ARHGAP44: variants seen among roughly 807,000 people sequenced by gnomAD.
The protein encoded by ARHGAP44 is rho GTPase-activating protein 44.
A neutral mutation model predicts 106.8 loss-of-function variants in ARHGAP44; 43 were observed. The observed-to-expected ratio is 0.40, with a 90% CI of 0.32 to 0.52. The LOEUF (loss-of-function observed/expected upper bound fraction) is 0.52, where lower values mean the gene tolerates loss of function less well. Ranked by LOEUF, ARHGAP44 falls within the 20% of genes least tolerant of loss-of-function variation. The pLI is 0.48. For synonymous variants in ARHGAP44, 439 were observed against 410.3 expected (o/e 1.07, Z -0.85); for missense variants, 866 against 1,050.5 (o/e 0.82, Z 2.43).
At chr17:12,988,416 C>CG (rs1567728073) in intron 20 of ARHGAP44, 1 of 152,166 alleles carries the variant, frequency 6.6e-6, no homozygotes, top group Admixed American at 6.5e-5. Context: ...AGGTGGGCCC[C>CG]GGGCCACTCA....
chr17:12,987,947 G>T (rs753986285), intron 20 of ARHGAP44: 8 of 152,242 alleles, frequency 5.3e-5, no homozygotes, highest in Non-Finnish European at 1.2e-4. Context: ...ATTTGCCTCA[G>T]TAAGTAGGGG....
rs2037640473 is a variant in ARHGAP44 at position 12,908,901 on chromosome 17, A to G, written c.203A>G (p.Lys68Arg). The G allele has an allele frequency of 6.2e-7, 1 of 1,604,342 alleles. No homozygotes were observed. The highest frequency in any genetic ancestry group is 1.3e-5 in the African/African-American group (1 of 74,558). ...QGAEADKRSKKLPLTTLAQCL... is the reference protein window; with the variant it reads ...QGAEADKRSKRLPLTTLAQCL... ...CAGCATTTGCTTTCTTTTCAGAAAAAGTTGCCTTTGACAACACTGGCTCAG... is the reference window on the plus strand; with the variant it reads ...CAGCATTTGCTTTCTTTTCAGAAAAGGTTGCCTTTGACAACACTGGCTCAG... The change falls in exon 4 of 21, where the codon AAG (lysine) becomes AGG (arginine). Residue 68 changes from lysine to arginine, a missense_variant. Lys to Arg is a conservative substitution (Grantham distance 26). Coordinates refer to ENST00000379672, the MANE Select transcript of ARHGAP44 (RefSeq NM_014859.6).
intron 1 of ARHGAP44, among the ~76,000 whole-genome samples, chr17:12,827,716 A>G (rs1006980616): frequency 1.3e-5 from 2 of 152,144 alleles, no homozygotes; most frequent in Non-Finnish European, 2.9e-5. Flanking sequence ...CAGTTATGCT[A>G]TATTTTATAG....
intron 1 of ARHGAP44, among the ~76,000 whole-genome samples, chr17:12,854,864 C>T (rs540515536): frequency 1.2e-4 from 18 of 150,724 alleles, no homozygotes; most frequent in African/African-American, 3.9e-4. Flanking sequence ...AGGCCGAGGC[C>T]GCAGAATCGC....
chr17:12,832,307 T>A (rs1298056624), intron 1 of ARHGAP44, among the ~76,000 whole-genome samples: 1 of 152,102 alleles, frequency 6.6e-6, no homozygotes, highest in Non-Finnish European at 1.5e-5. Flanking sequence ...CACCAAGTTG[T>A]TTCCTGGATT....
intron 7 of ARHGAP44, among the ~76,000 whole-genome samples, chr17:12,936,417 C>T (rs1478807730): frequency 6.6e-6 from 1 of 152,170 alleles, no homozygotes; most frequent in Non-Finnish European, 1.5e-5. Context: ...TTTGTCTTTT[C>T]CAGAAAGTCA....
chr17:12,875,200 A>G (rs907591596), intron 1 of ARHGAP44, among the ~76,000 whole-genome samples: 16 of 152,096 alleles, frequency 1.1e-4, no homozygotes, highest in Admixed American at 2.0e-4. Context: ...ATTTTTAACA[A>G]ATCTTCAAAG....
At chr17:12,870,109 C>T (rs754880196) in intron 1 of ARHGAP44, among the ~76,000 whole-genome samples, 8 of 127,582 alleles carry the variant, frequency 6.3e-5, no homozygotes, top group African/African-American at 3.0e-5. Context: ...AGTGCAGTGG[C>T]GTGATCTCAG....
Position 12,970,383 on chromosome 17 carries a change from A to AAAAAAG in ARHGAP44, c.1524-2910_1524-2905dup, listed in dbSNP as rs1567715963. ...CCTGTCTCAAAAAAAAAAAAAAAAAAAAAAAGAAAAAGAAGAGAAGAGAAA... is the reference window on the plus strand; with the variant it reads ...CCTGTCTCAAAAAAAAAAAAAAAAAAAAAAAGAAAAAGAAAAAGAAGAGAAGAGAAA... On this transcript the variant is annotated intron_variant, in intron 16 of 20. Transcript: ENST00000379672. Among the ~76,000 whole-genome samples the AAAAAAG allele has an allele frequency of 1.6e-3, 227 of 140,266 alleles. 4 individuals are homozygous for AAAAAAG. Among genetic ancestry groups the AAAAAAG allele is most frequent in the Middle Eastern group, 7.5e-3 (2 of 266 alleles). 92.0% of individuals were successfully genotyped at this position (140,266 alleles called of 152,430 possible).
intron 6 of ARHGAP44, among the ~76,000 whole-genome samples, chr17:12,928,400 T>A (rs1003539422): frequency 2.0e-5 from 3 of 152,130 alleles, no homozygotes; most frequent in Admixed American, 6.5e-5. Context: ...AAATATATAA[T>A]ATACAGTATA....
Position 12,793,709 on chromosome 17 carries a change from C to CAA in ARHGAP44, c.53+3819_53+3820insAA, listed in dbSNP as rs201323976. 1.0e-3 allele frequency among the ~76,000 whole-genome samples: 128 copies of CAA among 124,972 alleles called. 1 individual carries two copies. The South Asian group carries it at 0.025, about 25-fold the overall frequency. The allele number at this position is 124,972 out of a possible 152,430, so 82.0% of individuals were successfully genotyped here. A position where few individuals can be genotyped will look rare whatever the true frequency, so the allele number is the denominator to read the frequency against. ...GGCGACAGAGTGAGACTCCATCTCA[C>CAA]ACAAAAAAAAAAAAAGGAACCTGCA... is the stretch of plus-strand genomic sequence containing the variant. On this transcript the variant is annotated intron_variant, in intron 1 of 20. Coordinates refer to ENST00000379672, the MANE Select transcript of ARHGAP44 (RefSeq NM_014859.6).
At chr17:12,941,165 TAGG>T in intron 8 of ARHGAP44, 41 bp downstream of exon 8, 1 of 1,572,678 alleles carries the variant, frequency 6.4e-7, no homozygotes, top group Admixed American at 1.7e-5. Context: ...AGGCTGTTCG[TAGG>T]AGAAGGGAAT....
At chr17:12,928,288 G>A (rs2038302741) in intron 6 of ARHGAP44, among the ~76,000 whole-genome samples, 2 of 152,320 alleles carry the variant, frequency 1.3e-5, no homozygotes, top group Middle Eastern at 6.8e-3. Flanking sequence ...CTGGCTTCAA[G>A]CCAAGAAGGT....
chr17:12,926,798 A>G (rs1199343561), intron 6 of ARHGAP44, among the ~76,000 whole-genome samples: 1 of 151,988 alleles, frequency 6.6e-6, no homozygotes, highest in Non-Finnish European at 1.5e-5. Context: ...GTCACTTTAT[A>G]TATATTTTAA....
chr17:12,959,885 A>G (rs1391199896), intron 16 of ARHGAP44, among the ~76,000 whole-genome samples: 1 of 152,264 alleles, frequency 6.6e-6, no homozygotes, highest in Non-Finnish European at 1.5e-5. Context: ...CGGACAGACC[A>G]CTGGGCAGCC....
chr17:12,920,238 T>C (rs907256195), intron 6 of ARHGAP44, among the ~76,000 whole-genome samples: 2 of 150,608 alleles, frequency 1.3e-5, no homozygotes, highest in Admixed American at 6.6e-5. Context: ...TAGCCGGGCA[T>C]GGTGGCGGGT....
At chr17:12,810,641 G>A (rs1046183489) in intron 1 of ARHGAP44, among the ~76,000 whole-genome samples, 4 of 152,186 alleles carry the variant, frequency 2.6e-5, no homozygotes, top group African/African-American at 9.7e-5. Context: ...TCTGGACATT[G>A]AAGCTCAGTA....
rs143783782 is a variant in ARHGAP44 at position 12,990,523 on chromosome 17, G to A, written c.*352G>A. The A allele has an allele frequency of 1.4e-3, 292 of 208,488 alleles. 1 individual carries two copies. Among genetic ancestry groups the A allele is most frequent in the African/African-American group, 6.2e-3 (279 of 44,994 alleles). The allele number at this position is 208,488 out of a possible 1,614,324, so 12.9% of individuals were successfully genotyped here. On this transcript the variant is annotated 3_prime_UTR_variant, in exon 21 of 21. Coordinates refer to ENST00000379672, the MANE Select transcript of ARHGAP44 (RefSeq NM_014859.6). ...GCAGGGTCGGGGTGGTGCGGGAGAG[G>A]CTCACTTTGCCTGGTTAGACCCAAG...
intron 1 of ARHGAP44, among the ~76,000 whole-genome samples, chr17:12,834,780 G>T (rs2150818577): frequency 6.6e-6 from 1 of 152,218 alleles, no homozygotes; most frequent in Admixed American, 6.5e-5. Context: ...AGAAATCAGT[G>T]GGAAATAGAA....
Sources: allele counts gnomAD v4.1 joint callset (sites outside exome capture counted in the v4.1 genomes callset), GRCh38; gene constraint gnomAD v4.1.1; transcripts MANE v1.5; gene names NCBI Gene and HGNC (gene_info 2026-07-23, HGNC 2026-07-21).